PCBP3: variants seen among roughly 807,000 people sequenced by gnomAD.
The protein encoded by PCBP3 is poly(rC)-binding protein 3.
PCBP3 carries 25 observed loss-of-function variants against 52.7 expected under a neutral mutation model. The ratio of observed to expected loss-of-function variants is 0.47; its 90% CI spans 0.35 to 0.66. The LOEUF (loss-of-function observed/expected upper bound fraction) is 0.66, where lower values mean the gene tolerates loss of function less well. Among genes scored for constraint, PCBP3 ranks in the 30% least tolerant of loss-of-function variants. The pLI, the probability that PCBP3 is intolerant of heterozygous loss-of-function variation, is 0.01. For missense variants in PCBP3, 391 were observed against 490.3 expected (o/e 0.80, Z 1.91); for synonymous variants, 162 against 183.0 (o/e 0.89, Z 0.93).
rs1051030562 is a variant in PCBP3 at position 45,805,319 on chromosome 21, G to T, written c.-125-44642G>T. On this transcript the variant is annotated intron_variant, in intron 4 of 17. Coordinates refer to ENST00000681687, the MANE Select transcript of PCBP3 (RefSeq NM_001384156.1). The surrounding 1 kb of genome is among the most constrained non-coding windows in gnomAD (Gnocchi z 4.6). The stretch of plus-strand genomic sequence containing the variant: ...GCTGAAAACCCCCCAGGTGGTGTCT[G>T]GGGGGGAAAGTAATTGGAAGATTAT... 2.0e-5 allele frequency among the ~76,000 whole-genome samples: 3 copies of T among 151,966 alleles called. No homozygotes were observed. Among genetic ancestry groups the T allele is most frequent in the Admixed American group, 2.0e-4 (3 of 15,260 alleles).
intron 4 of PCBP3, among the ~76,000 whole-genome samples, chr21:45,792,621 A>T (rs2146416949): frequency 6.6e-6 from 1 of 152,364 alleles, no homozygotes; most frequent in Admixed American, 6.5e-5. Context: ...GTGCTAGGAG[A>T]CAGGGATGAC....
At chr21:45,669,805 GTATATATATATA>G (rs773020402) in intron 2 of PCBP3, among the ~76,000 whole-genome samples, 1,770 of 49,716 alleles carry the variant, frequency 0.036, 36 homozygotes, top group Middle Eastern at 0.064. Flanking sequence ...GTGTGTGTGT[GTATATATATATA>G]TATATATATA....
chr21:45,652,362 A>G (rs1173332289), intron 1 of PCBP3, among the ~76,000 whole-genome samples: 2 of 152,208 alleles, frequency 1.3e-5, no homozygotes, highest in East Asian at 1.9e-4. Flanking sequence ...TGATAATTCT[A>G]CTACCCACAG....
At chr21:45,861,709 T>A (rs1442290013) in intron 5 of PCBP3, among the ~76,000 whole-genome samples, 1 of 152,180 alleles carries the variant, frequency 6.6e-6, no homozygotes, top group Non-Finnish European at 1.5e-5. Flanking sequence ...ATGGACTGGA[T>A]GGCGCCAGCT....
intron 2 of PCBP3, among the ~76,000 whole-genome samples, chr21:45,703,625 G>A (rs568351473): frequency 2.6e-5 from 4 of 152,294 alleles, no homozygotes; most frequent in African/African-American, 7.2e-5. Context: ...TTAGAGCAGA[G>A]CAATGACATG....
intron 4 of PCBP3, among the ~76,000 whole-genome samples, chr21:45,784,411 TACCGCTACC>T (rs1348328512): frequency 0.018 from 2,533 of 139,900 alleles, 36 homozygotes; most frequent in Middle Eastern, 0.033. Context: ...CCTCTACCGC[TACCGCTACC>T]CCTACCTCCT....
Position 45,867,946 on chromosome 21 carries a change from A to G in PCBP3, c.10+17851A>G, listed in dbSNP as rs146964781. Among the ~76,000 whole-genome samples, 311 of 152,348 alleles carry G rather than the reference A, an allele frequency of 2.0e-3. 2 individuals are homozygous for G. Among genetic ancestry groups the G allele is most frequent in the African/African-American group, 7.1e-3 (297 of 41,578 alleles). On this transcript the variant is annotated intron_variant, in intron 5 of 17. Transcript: ENST00000681687. ...AGCGGGGAAGAGTCTCAGAAATGTT[A>G]CTTTGAGTCAAAAAGCTGGACAAAA...
At chr21:45,650,420 A>G (rs986937774) in intron 1 of PCBP3, among the ~76,000 whole-genome samples, 5 of 152,296 alleles carry the variant, frequency 3.3e-5, no homozygotes, top group South Asian at 2.1e-4. Flanking sequence ...CAGATTTGGT[A>G]TCAACATGAT....
At chr21:45,754,605 C>T (rs2087856772) in intron 3 of PCBP3, among the ~76,000 whole-genome samples, 1 of 152,214 alleles carries the variant, frequency 6.6e-6, no homozygotes, top group Admixed American at 6.5e-5. Flanking sequence ...TATCTTCTCA[C>T]AGCCACATAA....
rs576240459 is a variant in PCBP3 at position 45,648,652 on chromosome 21, C to T, written c.-279+4784C>T. ...CCAGAGGTTTGTTTCTTTACATCCT[C>T]ACTAATCCTTCGTAGCTTCAGATGT... On this transcript the variant is annotated intron_variant, in intron 1 of 17. Transcript: ENST00000681687. 2.7e-4 allele frequency among the ~76,000 whole-genome samples: 41 copies of T among 152,358 alleles called. No homozygotes were observed. The South Asian group carries it at 8.5e-3, about 32-fold the overall frequency.
intron 4 of PCBP3, among the ~76,000 whole-genome samples, chr21:45,784,731 G>A (rs1202570855): frequency 3.3e-5 from 5 of 152,240 alleles, no homozygotes; most frequent in Admixed American, 2.0e-4. Flanking sequence ...CCGAGGTGCC[G>A]GGATTGCAGA....
chr21:45,876,244 C>T (rs2095254091), intron 5 of PCBP3, among the ~76,000 whole-genome samples: 1 of 152,258 alleles, frequency 6.6e-6, no homozygotes, highest in Admixed American at 6.5e-5. Context: ...GTGGCCTACC[C>T]TGTCTCTCAT....
Position 45,817,588 on chromosome 21 carries a change from C to T in PCBP3, c.-125-32373C>T, listed in dbSNP as rs1373763086. 1.3e-5 allele frequency among the ~76,000 whole-genome samples: 2 copies of T among 152,238 alleles called. No individual in the cohort carries two copies. The highest frequency in any genetic ancestry group is 4.8e-5 in the African/African-American group (2 of 41,454). On this transcript the variant is annotated intron_variant, in intron 4 of 17. Transcript: ENST00000681687. This position sits in a 1 kb window ranked among gnomAD's most constrained non-coding sequence, Gnocchi z 4.3. ...GAGGCAGCAGCTTGTGTGTGTGCTG[C>T]ACTGCCGTGAGCAGCAACTTGACAG... is the stretch of plus-strand genomic sequence containing the variant.
chr21:45,738,943 C>T (rs1451189573), intron 3 of PCBP3, among the ~76,000 whole-genome samples: 4 of 125,998 alleles, frequency 3.2e-5, no homozygotes, highest in African/African-American at 1.2e-4. Context: ...ATCAGCCCAC[C>T]CCTTCCTGTC....
chr21:45,708,288 T>G (rs189693144), intron 2 of PCBP3, among the ~76,000 whole-genome samples: 3 of 152,240 alleles, frequency 2.0e-5, no homozygotes, highest in African/African-American at 7.2e-5. Flanking sequence ...CTGCAGAGGG[T>G]GGGCCACTTT....
intron 2 of PCBP3, among the ~76,000 whole-genome samples, chr21:45,726,048 T>C (rs9981586): frequency 0.18 from 27,726 of 152,000 alleles, 2,712 homozygotes; most frequent in Middle Eastern, 0.33. Flanking sequence ...GTACGGAGGC[T>C]GCAGGTGCCC....
intron 2 of PCBP3, among the ~76,000 whole-genome samples, chr21:45,726,510 G>A (rs990505477): frequency 1.3e-5 from 2 of 152,102 alleles, no homozygotes; most frequent in African/African-American, 4.8e-5. Flanking sequence ...CTCAAGGAGC[G>A]TTGGCAGCAT....
chr21:45,908,749 G>C (rs2096268281), intron 9 of PCBP3, among the ~76,000 whole-genome samples: 1 of 152,206 alleles, frequency 6.6e-6, no homozygotes, highest in East Asian at 1.9e-4. Context: ...CGGGTTGCCA[G>C]CCTGAACCCA....
intron 4 of PCBP3, among the ~76,000 whole-genome samples, chr21:45,813,948 C>T (rs2147103634): frequency 6.6e-6 from 1 of 152,316 alleles, no homozygotes; most frequent in Non-Finnish European, 1.5e-5. Flanking sequence ...GACAGGGACA[C>T]ATGCTGAGAA....
Sources: allele counts gnomAD v4.1 joint callset (sites outside exome capture counted in the v4.1 genomes callset), GRCh38; gene constraint gnomAD v4.1.1; non-coding constraint Gnocchi (gnomAD v3.1); transcripts MANE v1.5; gene names NCBI Gene and HGNC (gene_info 2026-07-23, HGNC 2026-07-21).